Variants in MTUS2 observed in about 807,000 individuals in gnomAD.
The protein encoded by MTUS2 is microtubule associated scaffold protein 2.
A neutral mutation model predicts 114.1 loss-of-function variants in MTUS2; 40 were observed. The ratio of observed to expected loss-of-function variants is 0.35; its 90% CI spans 0.27 to 0.46. The LOEUF (loss-of-function observed/expected upper bound fraction) is 0.46, where lower values mean the gene tolerates loss of function less well. MTUS2 is among the 20% of genes least tolerant of loss of function. MTUS2 has a pLI of 1.00. For missense variants in MTUS2, 1,679 were observed against 1,705.4 expected, an observed-to-expected ratio of 0.98 and a Z score of 0.27; for synonymous variants, 688 against 672.0, an observed-to-expected ratio of 1.02 and a Z score of -0.37.
At chr13:29,057,979 T>C (rs1888217990) in intron 4 of MTUS2, among the ~76,000 whole-genome samples, 2 of 152,154 alleles carry the variant, frequency 1.3e-5, no homozygotes, top group Non-Finnish European at 2.9e-5. Flanking sequence ...ACCTCTTATC[T>C]AGTGGTAACA....
At chr13:29,471,154 C>A (rs1187870687) in intron 9 of MTUS2, among the ~76,000 whole-genome samples, 1 of 151,958 alleles carries the variant, frequency 6.6e-6, no homozygotes, top group Admixed American at 6.6e-5. Context: ...ACCGGCCTGG[C>A]CAACATGGTG....
At chr13:28,965,796 C>A (rs1883555938) in intron 2 of MTUS2, among the ~76,000 whole-genome samples, 1 of 152,172 alleles carries the variant, frequency 6.6e-6, no homozygotes, top group African/African-American at 2.4e-5. Flanking sequence ...CTCTGAGGAC[C>A]TCAATCTTTT....
chr13:28,934,499 C>CT (rs1881786959), intron 2 of MTUS2, among the ~76,000 whole-genome samples: 1 of 151,936 alleles, frequency 6.6e-6, no homozygotes, highest in African/African-American at 2.4e-5. Context: ...GAATGATATG[C>CT]TTTTTTAAAC....
intron 2 of MTUS2, among the ~76,000 whole-genome samples, chr13:28,946,124 A>G (rs1001419160): frequency 1.3e-5 from 2 of 152,248 alleles, no homozygotes; most frequent in African/African-American, 4.8e-5. Flanking sequence ...TATTAGCTAT[A>G]GGAAAAAGTT....
At chr13:29,246,649 C>T (rs1896935923) in intron 5 of MTUS2, among the ~76,000 whole-genome samples, 1 of 152,134 alleles carries the variant, frequency 6.6e-6, no homozygotes, top group South Asian at 2.1e-4. Context: ...ATGTGTATAG[C>T]TGAGGGTACT....
intron 3 of MTUS2, among the ~76,000 whole-genome samples, chr13:29,031,950 C>T (rs1280232460): frequency 2.0e-5 from 3 of 152,078 alleles, no homozygotes; most frequent in East Asian, 1.9e-4. Context: ...CTTGACTTAA[C>T]GAGTTTGTTT....
intron 7 of MTUS2, among the ~76,000 whole-genome samples, chr13:29,335,755 T>C (rs1901031893): frequency 6.6e-6 from 1 of 152,254 alleles, no homozygotes; most frequent in Non-Finnish European, 1.5e-5. Context: ...GTTGAGGAAG[T>C]TCTGCTAGAT....
At chr13:29,028,552 T>C (rs1002993578) in intron 3 of MTUS2, among the ~76,000 whole-genome samples, 3 of 151,766 alleles carry the variant, frequency 2.0e-5, no homozygotes, top group Non-Finnish European at 1.5e-5. Context: ...CACCTCCCTC[T>C]GCTTGGAATG....
intron 9 of MTUS2, among the ~76,000 whole-genome samples, chr13:29,459,352 C>A (rs1437091874): frequency 6.6e-6 from 1 of 152,214 alleles, no homozygotes; most frequent in Admixed American, 6.5e-5. Context: ...TCCTCTCCTT[C>A]ATACTTTACA....
chr13:29,195,534 A>G (rs1445245404), intron 5 of MTUS2, among the ~76,000 whole-genome samples: 1 of 122,926 alleles, frequency 8.1e-6, no homozygotes, highest in Non-Finnish European at 1.6e-5. Context: ...TTAAAACTTA[A>G]TTCTGAAAAA....
chr13:28,821,353 G>T (rs73452642), intron 1 of MTUS2, among the ~76,000 whole-genome samples: 2,132 of 152,226 alleles, frequency 0.014, 51 homozygotes, highest in African/African-American at 0.048. Flanking sequence ...AAGTCTATTA[G>T]GAATTGGTGA....
Position 29,375,329 on chromosome 13 carries a change from G to A in MTUS2, c.3117+15856G>A, listed in dbSNP as rs565554367. The stretch of plus-strand genomic sequence containing the variant: ...GAGAGAAGAAAGCCATTACTTTTGC[G>A]GTTTTAATGGCAAACCCGCAATTAC... On this transcript the variant is annotated intron_variant, in intron 8 of 15. Coordinates refer to ENST00000612955, the MANE Select transcript of MTUS2 (RefSeq NM_001033602.4). 5.0e-4 allele frequency among the ~76,000 whole-genome samples: 75 copies of A among 148,912 alleles called. 8 individuals are homozygous for A. Among genetic ancestry groups the A allele is most frequent in the Non-Finnish European group, 9.6e-4 (65 of 67,424 alleles).
At chr13:29,373,368 G>A (rs933667938) in intron 8 of MTUS2, among the ~76,000 whole-genome samples, 5 of 152,156 alleles carry the variant, frequency 3.3e-5, no homozygotes, top group Admixed American at 6.5e-5. Flanking sequence ...GTTGTGAAAA[G>A]TGCATAGAGC....
At chr13:29,396,489 AAG>A (rs745912202) in intron 8 of MTUS2, among the ~76,000 whole-genome samples, 11 of 152,340 alleles carry the variant, frequency 7.2e-5, no homozygotes, top group Non-Finnish European at 1.3e-4. Context: ...ATTAGAAATT[AAG>A]ATTGTGACTA....
chr13:29,477,773 T>TTATA (rs1484963693), intron 9 of MTUS2, among the ~76,000 whole-genome samples: 1 of 151,076 alleles, frequency 6.6e-6, no homozygotes, highest in Non-Finnish European at 1.5e-5. Flanking sequence ...GATGTGACAA[T>TTATA]TATATATATA....
intron 5 of MTUS2, among the ~76,000 whole-genome samples, chr13:29,122,282 C>T (rs1891341346): frequency 6.6e-6 from 1 of 152,076 alleles, no homozygotes; most frequent in South Asian, 2.1e-4. Flanking sequence ...TCTCATGCTG[C>T]TATGAAGAAA....
chr13:29,340,164 G>T (rs1183174051), intron 7 of MTUS2, among the ~76,000 whole-genome samples: 2 of 152,298 alleles, frequency 1.3e-5, no homozygotes, highest in African/African-American at 4.8e-5. Flanking sequence ...CAGCTGCAGC[G>T]GGGGAGGGCA....
chr13:29,241,590 G>C (rs1463982641), intron 5 of MTUS2, among the ~76,000 whole-genome samples: 3 of 152,046 alleles, frequency 2.0e-5, no homozygotes, highest in Non-Finnish European at 4.4e-5. Flanking sequence ...TGCCTACCCA[G>C]TACAGATTTC....
Position 29,487,931 on chromosome 13 carries a change from C to T in MTUS2, c.3431C>T (p.Ala1144Val), listed in dbSNP as rs1881750404. 6.2e-7 allele frequency: 1 copy of T among 1,614,032 alleles called. No individual in the cohort carries two copies. Among genetic ancestry groups the T allele is most frequent in the Non-Finnish European group, 8.5e-7 (1 of 1,180,030 alleles). ...VEDLTASHDA[A>V]LLEMENNHTV... ...GATCTCACCGCCAGCCATGATGCTGCTCTCCTAGAGATGGAAAATAACCAC... is the reference window on the plus strand; with the variant it reads ...GATCTCACCGCCAGCCATGATGCTGTTCTCCTAGAGATGGAAAATAACCAC... The change falls in exon 11 of 16, where the codon GCT (alanine) becomes GTT (valine). Residue 1144 changes from alanine to valine, a missense_variant. Physicochemically the swap from Ala to Val is moderately conservative, Grantham distance 64. Transcript: ENST00000612955.
Sources: gnomAD v4.1 joint callset for allele counts (sites outside exome capture counted in the v4.1 genomes callset) on GRCh38, gnomAD v4.1.1 for gene constraint, MANE v1.5 for transcripts, NCBI Gene and HGNC (gene_info 2026-07-23, HGNC 2026-07-21) for gene names.